The following CLSTN2 variants were observed in gnomAD, a reference collection of about 807,000 sequenced individuals.
CLSTN2 encodes the protein calsyntenin 2.
In CLSTN2, 48 loss-of-function variants were observed where a neutral mutation model predicts 101.2. The ratio of observed to expected loss-of-function variants is 0.47; its 90% CI spans 0.38 to 0.60. The LOEUF (loss-of-function observed/expected upper bound fraction) is 0.60, where lower values mean the gene tolerates loss of function less well. Ranked by LOEUF, CLSTN2 falls within the 20% of genes least tolerant of loss-of-function variation. The pLI is 0.00. For missense variants in CLSTN2, 1,160 were observed against 1,238.2 expected, an observed-to-expected ratio of 0.94 and a Z score of 0.95; for synonymous variants, 481 against 463.6, an observed-to-expected ratio of 1.04 and a Z score of -0.48.
intron 4 of CLSTN2, among the ~76,000 whole-genome samples, chr3:140,419,048 T>TAAAA (rs1457306836): frequency 9.3e-5 from 14 of 151,026 alleles, no homozygotes; most frequent in Non-Finnish European, 1.8e-4. Flanking sequence ...AAAAAAATCT[T>TAAAA]TCAAGCATTA....
At chr3:140,326,154 G>A (rs952412868) in intron 2 of CLSTN2, among the ~76,000 whole-genome samples, 8 of 152,176 alleles carry the variant, frequency 5.3e-5, no homozygotes, top group Non-Finnish European at 1.2e-4. Context: ...TGTCTGAAAT[G>A]CCACCATTAT....
At chr3:139,964,243 GTT>G (rs1336566352) in intron 1 of CLSTN2, among the ~76,000 whole-genome samples, 1 of 152,162 alleles carries the variant, frequency 6.6e-6, no homozygotes, top group African/African-American at 2.4e-5. Context: ...GGTTTATTGG[GTT>G]CTGGCAGTGT....
chr3:139,945,242 A>G lies in CLSTN2; in HGVS notation c.109+9759A>G, dbSNP rs1057172636. On this transcript the variant is annotated intron_variant, in intron 1 of 16. Coordinates refer to ENST00000458420, the MANE Select transcript of CLSTN2 (RefSeq NM_022131.3). ...TCTCGGACTCATGTGACCTAGATCC[A>G]CTGATGAGTTGTGAGGTTCAGGGCA... is the stretch of plus-strand genomic sequence containing the variant. Among the ~76,000 whole-genome samples, 11 of 152,174 alleles carry G rather than the reference A, an allele frequency of 7.2e-5. 1 individual carries two copies. The highest frequency in any genetic ancestry group is 8.8e-5 in the Non-Finnish European group (6 of 68,030).
At chr3:140,260,152 A>G (rs2086638862) in intron 2 of CLSTN2, among the ~76,000 whole-genome samples, 1 of 148,120 alleles carries the variant, frequency 6.8e-6, no homozygotes, top group African/African-American at 2.5e-5. Context: ...ATATATATAT[A>G]TATATTATAT....
intron 1 of CLSTN2, among the ~76,000 whole-genome samples, chr3:139,957,337 A>G (rs1227204943): frequency 2.6e-5 from 4 of 152,128 alleles, no homozygotes; most frequent in Admixed American, 6.5e-5. Flanking sequence ...CCCACAGCCT[A>G]CATCCAGATC....
At chr3:140,102,843 T>C (rs1173724823) in intron 1 of CLSTN2, among the ~76,000 whole-genome samples, 1 of 152,178 alleles carries the variant, frequency 6.6e-6, no homozygotes, top group Non-Finnish European at 1.5e-5. Context: ...AGAGGTCCAA[T>C]ACTCCAGGCT....
chr3:140,269,914 A>G (rs1291899319), intron 2 of CLSTN2, among the ~76,000 whole-genome samples: 1 of 151,794 alleles, frequency 6.6e-6, no homozygotes, highest in Non-Finnish European at 1.5e-5. Context: ...CACTTATCTC[A>G]GAGAGGTTTT....
intron 2 of CLSTN2, among the ~76,000 whole-genome samples, chr3:140,378,512 A>G (rs1008166091): frequency 6.6e-6 from 1 of 152,238 alleles, no homozygotes; most frequent in African/African-American, 2.4e-5. Flanking sequence ...GGAGCTCAAG[A>G]CGCAGTTAAT....
Position 140,033,481 on chromosome 3 carries a change from A to G in CLSTN2, c.109+97998A>G, listed in dbSNP as rs112144263. On this transcript the variant is annotated intron_variant, in intron 1 of 16. Transcript: ENST00000458420. ...GTACCTTTAGCCAGATGTCCTCCCCAGAGGCCATTAGCACATATTAAGTGT... is the reference window on the plus strand; with the variant it reads ...GTACCTTTAGCCAGATGTCCTCCCCGGAGGCCATTAGCACATATTAAGTGT... Among the ~76,000 whole-genome samples, 3 of 152,362 alleles carry G rather than the reference A, an allele frequency of 2.0e-5. 1 individual carries two copies. Among genetic ancestry groups the G allele is most frequent in the African/African-American group, 7.2e-5 (3 of 41,582 alleles).
intron 12 of CLSTN2, among the ~76,000 whole-genome samples, chr3:140,560,535 A>G (rs72980146): frequency 0.035 from 5,366 of 151,952 alleles, 308 homozygotes; most frequent in African/African-American, 0.12. Context: ...CCCTCAGCAC[A>G]CATTTTTTAG....
intron 2 of CLSTN2, among the ~76,000 whole-genome samples, chr3:140,360,020 AC>A (rs1434011072): frequency 6.6e-6 from 1 of 151,526 alleles, no homozygotes; most frequent in Non-Finnish European, 1.5e-5. Context: ...ACACACACAC[AC>A]ACACACATAT....
chr3:140,373,147 C>A (rs371804207), intron 2 of CLSTN2, among the ~76,000 whole-genome samples: 3 of 152,118 alleles, frequency 2.0e-5, no homozygotes, highest in Non-Finnish European at 2.9e-5. Flanking sequence ...GTTTTTAACT[C>A]GGTATTTTCC....
Position 140,023,614 on chromosome 3 carries a change from G to C in CLSTN2, c.109+88131G>C, listed in dbSNP as rs116124648. ...AGACTCCATTTGATGACCCTCCAAG[G>C]GGGGAGCTGCTCTGTGTCCCCAGCA... On this transcript the variant is annotated intron_variant, in intron 1 of 16. Transcript: ENST00000458420. Among the ~76,000 whole-genome samples, 419 of 152,180 alleles carry C rather than the reference G, an allele frequency of 2.8e-3. 2 individuals carry two copies. The highest frequency in any genetic ancestry group is 7.0e-3 in the African/African-American group (290 of 41,504).
intron 1 of CLSTN2, among the ~76,000 whole-genome samples, chr3:140,144,150 A>G (rs2009746543): frequency 6.6e-6 from 1 of 152,210 alleles, no homozygotes; most frequent in African/African-American, 2.4e-5. Context: ...GTCAACAGGA[A>G]TTGCTAAAGA....
At chr3:140,456,785 AAAAAT>A (rs1218517011) in intron 6 of CLSTN2, among the ~76,000 whole-genome samples, 3 of 125,096 alleles carry the variant, frequency 2.4e-5, no homozygotes, top group Non-Finnish European at 5.0e-5. Context: ...AGTCCGTCTC[AAAAAT>A]AAAATAAAAT....
At chr3:140,286,875 C>T (rs536530830) in intron 2 of CLSTN2, among the ~76,000 whole-genome samples, 84 of 152,126 alleles carry the variant, frequency 5.5e-4, no homozygotes, top group Non-Finnish European at 9.7e-4. Flanking sequence ...GGGAGGTAAG[C>T]GATGATGTTT....
intron 1 of CLSTN2, among the ~76,000 whole-genome samples, chr3:140,169,207 A>G (rs1419886421): frequency 6.6e-6 from 1 of 152,038 alleles, no homozygotes; most frequent in Non-Finnish European, 1.5e-5. Flanking sequence ...CAACTTTTGC[A>G]TATATTTTCT....
intron 1 of CLSTN2, among the ~76,000 whole-genome samples, chr3:140,002,295 C>T (rs1276029717): frequency 6.6e-6 from 1 of 152,176 alleles, no homozygotes; most frequent in Non-Finnish European, 1.5e-5. Flanking sequence ...TTTTGATTTG[C>T]ATTTCTCTGA....
chr3:139,952,344 A>G (rs2107810834), intron 1 of CLSTN2, among the ~76,000 whole-genome samples: 1 of 152,324 alleles, frequency 6.6e-6, no homozygotes, highest in Non-Finnish European at 1.5e-5. Context: ...AAGCTCCTGC[A>G]CAGACCCAGC....
Sources: gnomAD v4.1 joint callset for allele counts (sites outside exome capture counted in the v4.1 genomes callset) on GRCh38, gnomAD v4.1.1 for gene constraint, MANE v1.5 for transcripts, NCBI Gene and HGNC (gene_info 2026-07-23, HGNC 2026-07-21) for gene names.